Variants in GALNTL6 observed in about 807,000 individuals in gnomAD.
GALNTL6 encodes the protein polypeptide N-acetylgalactosaminyltransferase-like 6.
GALNTL6 carries 46 observed loss-of-function variants against 73.7 expected under a neutral mutation model. The ratio of observed to expected loss-of-function variants is 0.62; its 90% CI spans 0.49 to 0.80. The LOEUF (loss-of-function observed/expected upper bound fraction) is 0.80. Among genes scored for constraint, GALNTL6 ranks in the 30% least tolerant of loss-of-function variants. The pLI is 0.00. For synonymous variants in GALNTL6, 259 were observed against 263.7 expected, an observed-to-expected ratio of 0.98 and a Z score of 0.17; for missense variants, 604 against 755.0, an observed-to-expected ratio of 0.80 and a Z score of 2.34.
chr4:171,905,229 T>C (rs1359887548), intron 2 of GALNTL6, among the ~76,000 whole-genome samples: 2 of 151,624 alleles, frequency 1.3e-5, no homozygotes, highest in Non-Finnish European at 3.0e-5. Context: ...GACCCATCAG[T>C]GTGCTGTATT....
chr4:172,280,095 G>A (rs1215624185), intron 3 of GALNTL6, among the ~76,000 whole-genome samples: 3 of 152,160 alleles, frequency 2.0e-5, no homozygotes, highest in Non-Finnish European at 4.4e-5. Context: ...GAAATGCAGA[G>A]TTGTTATTTA....
intron 2 of GALNTL6, among the ~76,000 whole-genome samples, chr4:172,226,402 G>A (rs1736868094): frequency 6.6e-6 from 1 of 152,042 alleles, no homozygotes; most frequent in South Asian, 2.1e-4. Flanking sequence ...CTATGATTAG[G>A]ATTTCTTTTT....
At chr4:172,436,133 A>G (rs954254869) in intron 5 of GALNTL6, among the ~76,000 whole-genome samples, 5 of 152,122 alleles carry the variant, frequency 3.3e-5, no homozygotes, top group Admixed American at 2.6e-4. Context: ...TTATGTCTCT[A>G]CAGTTAATAA....
chr4:171,816,614 G>A (rs1348480083), intron 2 of GALNTL6, among the ~76,000 whole-genome samples: 2 of 151,784 alleles, frequency 1.3e-5, no homozygotes, highest in East Asian at 1.9e-4. Flanking sequence ...AAGAAAATAA[G>A]CCCCAAAATG....
At chr4:172,130,419 T>C (rs1733456950) in intron 2 of GALNTL6, among the ~76,000 whole-genome samples, 1 of 152,012 alleles carries the variant, frequency 6.6e-6, no homozygotes, top group South Asian at 2.1e-4. Flanking sequence ...TTTTTGTTCA[T>C]ACTGGTCTCA....
At chr4:172,638,218 A>G (rs1298542987) in intron 5 of GALNTL6, among the ~76,000 whole-genome samples, 1 of 152,148 alleles carries the variant, frequency 6.6e-6, no homozygotes. Flanking sequence ...AAAAATACCT[A>G]TGGCCTCTCT....
intron 5 of GALNTL6, among the ~76,000 whole-genome samples, chr4:172,735,746 C>A (rs1736421582): frequency 6.6e-6 from 1 of 152,128 alleles, no homozygotes; most frequent in Non-Finnish European, 1.5e-5. Context: ...GTAATTGAAT[C>A]ATGGGGGTGG....
intron 4 of GALNTL6, among the ~76,000 whole-genome samples, chr4:172,344,472 C>T (rs1026708861): frequency 6.6e-6 from 1 of 152,072 alleles, no homozygotes; most frequent in Non-Finnish European, 1.5e-5. Context: ...AGATCTGCAC[C>T]CTCATTATTT....
Position 172,058,639 on chromosome 4 carries a change from G to A in GALNTL6, c.139-171017G>A, listed in dbSNP as rs1335223813. Among the ~76,000 whole-genome samples, 31 of 151,690 alleles carry A rather than the reference G, an allele frequency of 2.0e-4. 1 individual carries two copies. Among genetic ancestry groups the A allele is most frequent in the South Asian group, 2.1e-4 (1 of 4,820 alleles). ...TTCTCCTGACTTACTTTACATAATC[G>A]CCAAATAATATCTATACTTCTTTTC... is the stretch of plus-strand genomic sequence containing the variant. On this transcript the variant is annotated intron_variant, in intron 2 of 12. Transcript: ENST00000506823.
At chr4:172,635,965 G>T (rs1420017758) in intron 5 of GALNTL6, among the ~76,000 whole-genome samples, 1 of 152,092 alleles carries the variant, frequency 6.6e-6, no homozygotes, top group Non-Finnish European at 1.5e-5. Flanking sequence ...ATGGATTTCA[G>T]ATTCCTTGAA....
At chr4:171,949,492 T>C (rs1158326515) in intron 2 of GALNTL6, among the ~76,000 whole-genome samples, 1 of 152,094 alleles carries the variant, frequency 6.6e-6, no homozygotes, top group Non-Finnish European at 1.5e-5. Context: ...AACAATTTTT[T>C]AAAAATCACA....
chr4:172,553,307 T>G (rs2110906426), intron 5 of GALNTL6, among the ~76,000 whole-genome samples: 1 of 152,302 alleles, frequency 6.6e-6, no homozygotes, highest in South Asian at 2.1e-4. Context: ...AAATAAAGCC[T>G]TTCTTTTCTG....
intron 10 of GALNTL6, among the ~76,000 whole-genome samples, chr4:173,007,387 G>C (rs1322091568): frequency 6.6e-6 from 1 of 152,136 alleles, no homozygotes; most frequent in Non-Finnish European, 1.5e-5. Flanking sequence ...GCTTAAAAAG[G>C]ATTAAGATCA....
intron 2 of GALNTL6, among the ~76,000 whole-genome samples, chr4:171,932,636 C>G (rs1738222210): frequency 6.6e-6 from 1 of 152,166 alleles, no homozygotes; most frequent in South Asian, 2.1e-4. Flanking sequence ...ACAAATTCAT[C>G]TACCTATTTC....
At chr4:173,016,160 G>A (rs1013618413) in intron 11 of GALNTL6, among the ~76,000 whole-genome samples, 3 of 152,214 alleles carry the variant, frequency 2.0e-5, no homozygotes, top group Non-Finnish European at 2.9e-5. Flanking sequence ...CTGGCTGTCC[G>A]GGCAGAGGTG....
intron 3 of GALNTL6, among the ~76,000 whole-genome samples, chr4:172,267,410 T>C (rs960222286): frequency 2.0e-5 from 3 of 152,106 alleles, no homozygotes; most frequent in African/African-American, 7.2e-5. Flanking sequence ...GCATAGGTTT[T>C]ATTGAACAAC....
At chr4:172,867,618 A>G (rs1744725671) in intron 7 of GALNTL6, among the ~76,000 whole-genome samples, 2 of 152,350 alleles carry the variant, frequency 1.3e-5, no homozygotes, top group African/African-American at 4.8e-5. Flanking sequence ...GAAGGTGCAC[A>G]ATGCTTTCTG....
At chr4:172,359,657 C>T (rs1742295478) in intron 5 of GALNTL6, among the ~76,000 whole-genome samples, 1 of 152,144 alleles carries the variant, frequency 6.6e-6, no homozygotes, top group African/African-American at 2.4e-5. Flanking sequence ...ACTTTCCCCA[C>T]CACCAGGGGT....
At chr4:172,698,414 C>A (rs1248195861) in intron 5 of GALNTL6, among the ~76,000 whole-genome samples, 2 of 152,058 alleles carry the variant, frequency 1.3e-5, no homozygotes, top group Non-Finnish European at 2.9e-5. Context: ...CGACCAGCTT[C>A]CTTCCGCTGA....
Sources: gnomAD v4.1 joint callset for allele counts (sites outside exome capture counted in the v4.1 genomes callset) on GRCh38, gnomAD v4.1.1 for gene constraint, MANE v1.5 for transcripts, NCBI Gene and HGNC (gene_info 2026-07-23, HGNC 2026-07-21) for gene names.